The following LOC114841035 variants were observed in gnomAD, a reference collection of about 807,000 sequenced individuals.
At chr11:64,242,304 C>T in the LOC114841035 span, 474 of 1,321,230 alleles carry the variant, frequency 3.6e-4, 1 homozygote, top group South Asian at 4.4e-4. Flanking sequence ...GCGGTGGAAC[C>T]CTCCTGTTAC....
chr11:64,244,002 CAA>C, the LOC114841035 span: 1 of 1,613,572 alleles, frequency 6.2e-7, no homozygotes, highest in East Asian at 2.2e-5. Flanking sequence ...TGGAGCTGCT[CAA>C]AATAGAGCGA....
the LOC114841035 span, chr11:64,241,731 G>T: frequency 1.3e-5 from 2 of 152,422 alleles, no homozygotes; most frequent in African/African-American, 4.8e-5. Flanking sequence ...CGTAGGCCGA[G>T]AACTCCACCG....
the LOC114841035 span, chr11:64,242,617 C>T: frequency 6.7e-7 from 1 of 1,488,482 alleles, no homozygotes; most frequent in Non-Finnish European, 9.0e-7. Flanking sequence ...CCAGAGAGTG[C>T]TTGGGAGTCT....
chr11:64,244,076 C>G, the LOC114841035 span: 1 of 1,547,424 alleles, frequency 6.5e-7, no homozygotes, highest in Non-Finnish European at 8.9e-7. Context: ...AGGGACCAGA[C>G]TGTTCCAAAA....
chr11:64,242,144 G>T, the LOC114841035 span: 1 of 456,488 alleles, frequency 2.2e-6, no homozygotes, highest in Non-Finnish European at 3.9e-6. Flanking sequence ...GTCCCTGGCT[G>T]CTGTGGCCTC....
chr11:64,243,781 T>C, the LOC114841035 span: 3 of 1,604,656 alleles, frequency 1.9e-6, no homozygotes, highest in South Asian at 1.1e-5. Flanking sequence ...CACTCTCCCT[T>C]TGCCCACACT....
the LOC114841035 span, among the ~76,000 whole-genome samples, chr11:64,242,996 C>T: frequency 1.3e-5 from 2 of 152,148 alleles, no homozygotes; most frequent in Non-Finnish European, 2.9e-5. Flanking sequence ...TGCTTGAACC[C>T]GGGAGGCAGA....
the LOC114841035 span, chr11:64,243,073 A>T: frequency 2.2e-5 from 18 of 801,508 alleles, no homozygotes; most frequent in Non-Finnish European, 3.8e-5. Context: ...ATCTCAAAAA[A>T]CAAAAAGGAC....
chr11:64,242,276 G>A, the LOC114841035 span: 14 of 1,141,514 alleles, frequency 1.2e-5, no homozygotes, highest in Non-Finnish European at 1.6e-5. Context: ...GATCCCCCGG[G>A]GCAAGGAAGA....
chr11:64,242,634 C>T, the LOC114841035 span: 42 of 1,451,846 alleles, frequency 2.9e-5, no homozygotes, highest in East Asian at 2.6e-5. Flanking sequence ...GTCTGGTTCT[C>T]CATAAGCCAG....
the LOC114841035 span, chr11:64,243,454 G>C: frequency 6.2e-7 from 1 of 1,614,086 alleles, no homozygotes; most frequent in South Asian, 1.1e-5. Context: ...CCTGCAGGAT[G>C]TGTGAGGGGG....
chr11:64,243,180 C>T, the LOC114841035 span: 1 of 1,610,572 alleles, frequency 6.2e-7, no homozygotes. Context: ...TCCTCACTGG[C>T]CTTCTCATGG....
the LOC114841035 span, chr11:64,243,490 C>G: frequency 1.0e-3 from 1,614 of 1,613,668 alleles, 3 homozygotes; most frequent in Non-Finnish European, 1.2e-3. Context: ...TGATCCCATC[C>G]GAGCTAGGTA....
chr11:64,242,893 G>A, the LOC114841035 span, among the ~76,000 whole-genome samples: 21 of 152,326 alleles, frequency 1.4e-4, no homozygotes, highest in Non-Finnish European at 2.6e-4. Flanking sequence ...TTGGCCTCAT[G>A]ATGAAACTTT....
At chr11:64,243,443 TC>T in the LOC114841035 span, 1 of 1,614,038 alleles carries the variant, frequency 6.2e-7, no homozygotes, top group Middle Eastern at 1.7e-4. Flanking sequence ...GCATGTGTCT[TC>T]CTGCAGGATG....
At chr11:64,243,920 C>A in the LOC114841035 span, 1 of 1,614,066 alleles carries the variant, frequency 6.2e-7, no homozygotes, top group African/African-American at 1.3e-5. Flanking sequence ...AGCCAGCCCA[C>A]CTCCCTGTGG....
chr11:64,242,466 G>T, the LOC114841035 span: 1 of 1,550,734 alleles, frequency 6.4e-7, no homozygotes, highest in East Asian at 2.5e-5. Context: ...GGGGGCCGAG[G>T]GCAAAAGGAA....
chr11:64,242,697 C>T, the LOC114841035 span: 1 of 951,454 alleles, frequency 1.1e-6, no homozygotes, highest in South Asian at 1.9e-5. Flanking sequence ...TTCCATGGTT[C>T]TGCCTTGCCC....
chr11:64,243,732 C>T, the LOC114841035 span: 2 of 1,469,578 alleles, frequency 1.4e-6, no homozygotes, highest in Non-Finnish European at 1.9e-6. Context: ...TCTCCATTAC[C>T]CTTCTCCATT....
Sources: allele counts gnomAD v4.1 joint callset (sites outside exome capture counted in the v4.1 genomes callset), GRCh38; gene constraint gnomAD v4.1.1; transcripts MANE v1.5.